Variants in EXPH5 observed in about 807,000 individuals in gnomAD.
EXPH5 encodes exophilin 5.
A neutral mutation model predicts 41.1 loss-of-function variants in EXPH5; 42 were observed. The observed-to-expected ratio is 1.02, with a 90% CI of 0.80 to 1.32. The LOEUF is 1.32. Ranked by LOEUF, EXPH5 falls within the 40% of genes most tolerant of loss-of-function variation. EXPH5 has a pLI of 0.00. For missense variants in EXPH5, 2,298 were observed against 2,314.5 expected (o/e 0.99, Z 0.15); for synonymous variants, 798 against 833.5 (o/e 0.96, Z 0.73).
At chr11:108,550,982 T>C (rs531631595) in intron 1 of EXPH5, among the ~76,000 whole-genome samples, 9 of 152,256 alleles carry the variant, frequency 5.9e-5, no homozygotes, top group Admixed American at 6.5e-5. Flanking sequence ...GGTCTCCAGA[T>C]ATAATCTGGC....
chr11:108,571,592 C>G (rs1397672453), intron 1 of EXPH5, among the ~76,000 whole-genome samples: 1 of 152,108 alleles, frequency 6.6e-6, no homozygotes, highest in Non-Finnish European at 1.5e-5. Context: ...TCACTTGGCC[C>G]CTGGTAATGC....
chr11:108,511,863 G>C lies in EXPH5; in HGVS notation c.3644C>G (p.Ser1215Ter). The C allele has an allele frequency of 6.3e-7, 1 of 1,586,426 alleles. No homozygotes were observed. Among genetic ancestry groups the C allele is most frequent in the Non-Finnish European group, 8.5e-7 (1 of 1,171,604 alleles). ...LSNEDPLPFC[S>*]DLSGKERGKT... ...CCCACGTTCTTTTCCTGACAAGTCTGAGCAAAAAGGTAAAGGGTCTTCATT... is the reference window on the plus strand; with the variant it reads ...CCCACGTTCTTTTCCTGACAAGTCTCAGCAAAAAGGTAAAGGGTCTTCATT... Residue 1215 changes from serine (S) to a stop codon, truncating the protein, a stop_gained, in exon 6 of 6, where the codon TCA (serine) becomes TGA (stop). Transcript: ENST00000265843. LOFTEE classifies it low-confidence loss of function (END_TRUNC).
intron 1 of EXPH5, among the ~76,000 whole-genome samples, chr11:108,571,669 C>T (rs1336684372): frequency 6.6e-6 from 1 of 152,158 alleles, no homozygotes; most frequent in East Asian, 1.9e-4. Context: ...CTGAGACCTC[C>T]CCTCAAATAT....
chr11:108,540,732 T>C (rs917974522), intron 2 of EXPH5, among the ~76,000 whole-genome samples: 4 of 152,136 alleles, frequency 2.6e-5, no homozygotes, highest in Non-Finnish European at 5.9e-5. Context: ...TTAGAAGTCA[T>C]TCATGGAGTT....
intron 1 of EXPH5, among the ~76,000 whole-genome samples, chr11:108,583,389 A>AT (rs1565835334): frequency 3.3e-5 from 5 of 151,112 alleles, no homozygotes; most frequent in African/African-American, 1.2e-4. Context: ...AAAATAAAAA[A>AT]AAAAATAAAT....
intron 1 of EXPH5, among the ~76,000 whole-genome samples, chr11:108,559,688 T>C (rs1164633079): frequency 6.6e-6 from 1 of 152,220 alleles, no homozygotes; most frequent in African/African-American, 2.4e-5. Flanking sequence ...CATCTTTTTT[T>C]CCCCTCATAT....
Position 108,514,369 on chromosome 11 carries a change from T to C in EXPH5, c.1138A>G (p.Arg380Gly). ...AACTCTTCCTGGTTCTCCCTGTCTC[T>C]AGAGGAATCTGATCTGTTCCATATG... ...SIIWNRSDSSRDRENQEEFLR... is the reference protein window; with the variant it reads ...SIIWNRSDSSGDRENQEEFLR... The change falls in exon 6 of 6, where the codon AGA becomes GGA. Residue 380 changes from arginine to glycine, a missense_variant. By Grantham distance (125) the Arg-to-Gly change is moderately radical. Coordinates refer to ENST00000265843, the MANE Select transcript of EXPH5 (RefSeq NM_015065.3). 1 of 1,613,996 alleles carries C rather than the reference T, an allele frequency of 6.2e-7. No individual in the cohort carries two copies. Among genetic ancestry groups the C allele is most frequent in the Non-Finnish European group, 8.5e-7 (1 of 1,179,938 alleles).
chr11:108,574,427 G>A (rs1384021236), intron 1 of EXPH5, among the ~76,000 whole-genome samples: 1 of 151,466 alleles, frequency 6.6e-6, no homozygotes, highest in African/African-American at 2.4e-5. Flanking sequence ...ACATAAAACT[G>A]AGAAAAAATC....
At chr11:108,557,261 T>C (rs2093994022) in intron 1 of EXPH5, among the ~76,000 whole-genome samples, 1 of 152,154 alleles carries the variant, frequency 6.6e-6, no homozygotes, top group Non-Finnish European at 1.5e-5. Flanking sequence ...CAGGCTGGAG[T>C]GTTTCCAGAA....
chr11:108,606,100 C>A, the EXPH5 span, among the ~76,000 whole-genome samples: 3 of 152,174 alleles, frequency 2.0e-5, no homozygotes, highest in Non-Finnish European at 2.9e-5. Flanking sequence ...ACGATCATAG[C>A]TCACTGTTAC....
At chr11:108,532,349 T>A (rs1193312662) in intron 3 of EXPH5, among the ~76,000 whole-genome samples, 1 of 8,586 alleles carries the variant, frequency 1.2e-4, no homozygotes, top group African/African-American at 4.7e-4. Flanking sequence ...GATATATATA[T>A]ATATATATAT....
At chr11:108,572,036 C>T (rs1301461029) in intron 1 of EXPH5, among the ~76,000 whole-genome samples, 1 of 138,674 alleles carries the variant, frequency 7.2e-6, no homozygotes, top group Admixed American at 7.6e-5. Context: ...GGTGACAGAG[C>T]GAGACTCTGT....
chr11:108,550,856 T>C (rs2093960964), intron 1 of EXPH5, among the ~76,000 whole-genome samples: 2 of 151,996 alleles, frequency 1.3e-5, no homozygotes, highest in Non-Finnish European at 1.5e-5. Context: ...GAAAAAAACA[T>C]GGATACAGAT....
At chr11:108,586,771 C>G (rs1324142998) in intron 1 of EXPH5, among the ~76,000 whole-genome samples, 2 of 151,532 alleles carry the variant, frequency 1.3e-5, no homozygotes, top group Non-Finnish European at 2.9e-5. Context: ...AATTTGGTCA[C>G]TGTCATCTCC....
chr11:108,563,012 C>G (rs1234363349), intron 1 of EXPH5, among the ~76,000 whole-genome samples: 1 of 151,516 alleles, frequency 6.6e-6, no homozygotes, highest in South Asian at 2.1e-4. Context: ...GGAGAACTTG[C>G]TTTGTGGGAT....
chr11:108,588,205 G>T (rs1221119896), intron 1 of EXPH5, among the ~76,000 whole-genome samples: 2 of 152,166 alleles, frequency 1.3e-5, no homozygotes, highest in Non-Finnish European at 2.9e-5. Flanking sequence ...ATGGTTGCCA[G>T]CAATTTTTTC....
rs1008705746 is a variant in EXPH5, at chr11:108,506,875, C to T, written c.*2662G>A. Reference sequence around the variant, plus strand: ...GCGTGGTGGTGGGCACCTGTAATCCCAGCTACTCGGGAAGCTGAGGCAGGA... The same window carrying T: ...GCGTGGTGGTGGGCACCTGTAATCCTAGCTACTCGGGAAGCTGAGGCAGGA... On this transcript the variant is annotated 3_prime_UTR_variant, in exon 6 of 6. Coordinates refer to ENST00000265843, the MANE Select transcript of EXPH5 (RefSeq NM_015065.3). 2.0e-5 allele frequency: 3 copies of T among 152,218 alleles called. No individual in the cohort carries two copies. Among genetic ancestry groups the T allele is most frequent in the Admixed American group, 6.5e-5 (1 of 15,272 alleles). The allele number at this position is 152,218 out of a possible 1,614,324, so 9.4% of individuals were successfully genotyped here. A position where few individuals can be genotyped will look rare whatever the true frequency, so the allele number is the denominator to read the frequency against.
At chr11:108,515,428 C>T (rs537528647) in intron 5 of EXPH5, among the ~76,000 whole-genome samples, 3 of 99,466 alleles carry the variant, frequency 3.0e-5, no homozygotes, top group African/African-American at 2.1e-4. Context: ...CCACTAAAAG[C>T]TTAGCACCTA....
At chr11:108,573,177 A>AAAGG (rs2094067871) in intron 1 of EXPH5, among the ~76,000 whole-genome samples, 1 of 145,362 alleles carries the variant, frequency 6.9e-6, no homozygotes, top group Admixed American at 6.7e-5. Flanking sequence ...AGAAAGAAAG[A>AAAGG]AAGAAAGAAA....
Sources: allele counts gnomAD v4.1 joint callset (sites outside exome capture counted in the v4.1 genomes callset), GRCh38; gene constraint gnomAD v4.1.1; transcripts MANE v1.5; gene names NCBI Gene and HGNC (gene_info 2026-07-23, HGNC 2026-07-21).